TOPAZ1: variants seen among roughly 807,000 people sequenced by gnomAD.
The protein encoded by TOPAZ1 is testis and ovary specific TOPAZ 1, also known as protein TOPAZ1.
In TOPAZ1, 66 loss-of-function variants were observed where a neutral mutation model predicts 172.2. The ratio of observed to expected loss-of-function variants is 0.38; its 90% CI spans 0.31 to 0.47. The LOEUF is 0.47. TOPAZ1 is among the 20% of genes least tolerant of loss of function. The pLI is 0.99. For synonymous variants in TOPAZ1, 681 were observed against 683.9 expected, an observed-to-expected ratio of 1.00 and a Z score of 0.07; for missense variants, 1,822 against 1,972.4, an observed-to-expected ratio of 0.92 and a Z score of 1.44.
At chr3:44,314,637 A>G (rs901141505) in intron 16 of TOPAZ1, among the ~76,000 whole-genome samples, 1 of 152,036 alleles carries the variant, frequency 6.6e-6, no homozygotes, top group Non-Finnish European at 1.5e-5. Context: ...CACAAACTAC[A>G]CAAACAGATC....
rs145911855 is a variant in TOPAZ1 at position 44,268,702 on chromosome 3, A to G, written c.3161-514A>G. ...CAGACTGGTGCCTATTCATATAAGG[A>G]CATTAATTCCATTGATTCAGGACCC... On this transcript the variant is annotated intron_variant, in intron 6 of 19. Transcript: ENST00000309765. Among the ~76,000 whole-genome samples the G allele has an allele frequency of 1.4e-3, 209 of 152,114 alleles. 2 individuals are homozygous for G. Among genetic ancestry groups the G allele is most frequent in the African/African-American group, 4.9e-3 (203 of 41,506 alleles).
chr3:44,283,952 A>G (rs986928396), intron 9 of TOPAZ1, among the ~76,000 whole-genome samples: 4 of 152,124 alleles, frequency 2.6e-5, no homozygotes, highest in Non-Finnish European at 4.4e-5. Context: ...TTTATATTCA[A>G]ATTTTGTCAC....
chr3:44,298,888 A>ATTTTTTT (rs1319574044), intron 12 of TOPAZ1, among the ~76,000 whole-genome samples: 4 of 33,230 alleles, frequency 1.2e-4, no homozygotes, highest in African/African-American at 5.0e-4. Context: ...TTATGTATAT[A>ATTTTTTT]TATTATATAT....
rs994772509 is a variant in TOPAZ1, at chr3:44,329,744, C to T, written c.4859+1311C>T. 3.4e-4 allele frequency among the ~76,000 whole-genome samples: 52 copies of T among 152,236 alleles called. 1 individual carries two copies. Among genetic ancestry groups the T allele is most frequent in the African/African-American group, 1.3e-3 (52 of 41,526 alleles). ...TCCCATAGATGGGCCTACATGGATA[C>T]CTACATATGCCATGAGTTCTGTAAC... On this transcript the variant is annotated intron_variant, in intron 19 of 19. Coordinates refer to ENST00000309765, the MANE Select transcript of TOPAZ1 (RefSeq NM_001145030.2).
In TOPAZ1 at chr3:44,270,797, A is replaced by T. The variant is rs770848094; in HGVS notation, c.3359A>T (p.Gln1120Leu). The T allele has an allele frequency of 7.8e-6, 12 of 1,546,426 alleles. No homozygotes were observed. The South Asian group carries it at 1.5e-4, about 19-fold the overall frequency. The change falls in exon 8 of 20, where the codon CAA (glutamine) becomes CTA (leucine). Residue 1120 changes from glutamine to leucine, a missense_variant. Coordinates refer to ENST00000309765, the MANE Select transcript of TOPAZ1 (RefSeq NM_001145030.2). Reference sequence around the variant, plus strand: ...TGCAAGTTTGCTCATGTGCCTGAACAAGGGGATGAAAAGGTAAAACATATA... The same window carrying T: ...TGCAAGTTTGCTCATGTGCCTGAACTAGGGGATGAAAAGGTAAAACATATA... Reference protein sequence around the residue: ...PLCKFAHVPEQGDEKVCMDVF... With the variant: ...PLCKFAHVPELGDEKVCMDVF...
In TOPAZ1 at chr3:44,242,387, A is replaced by G. The variant is rs1699495208; in HGVS notation, c.334A>G (p.Thr112Ala). 1 of 1,552,346 alleles carries G rather than the reference A, an allele frequency of 6.4e-7. No homozygotes were observed. Among genetic ancestry groups the G allele is most frequent in the Non-Finnish European group, 8.7e-7 (1 of 1,147,140 alleles). Residue 112 changes from threonine (T) to alanine (A), a missense_variant, in exon 1 of 20, where the codon ACG (threonine) becomes GCG (alanine). Transcript: ENST00000309765. The stretch of plus-strand genomic sequence containing the variant: ...AAAGGAGGCTGAACTCCCCTTGCAA[A>G]CGGAAAGACACAGTAAGAAAGCATC... ...AAKEAELPLQ[T>A]ERHTKEKRKV...
chr3:44,322,857 G>T (rs1363720003), intron 17 of TOPAZ1, among the ~76,000 whole-genome samples: 1 of 152,226 alleles, frequency 6.6e-6, no homozygotes, highest in African/African-American at 2.4e-5. Flanking sequence ...GGTGAAGGTT[G>T]CAGTGAGCCA....
At chr3:44,327,380 TCTAGAAG>T (rs1700611676) in intron 18 of TOPAZ1, among the ~76,000 whole-genome samples, 1 of 114,992 alleles carries the variant, frequency 8.7e-6, no homozygotes, top group African/African-American at 4.1e-5. Flanking sequence ...GTTTGGATGT[TCTAGAAG>T]TTTTATAGGT....
At chr3:44,322,781 G>C (rs1241149553) in intron 17 of TOPAZ1, among the ~76,000 whole-genome samples, 1 of 152,110 alleles carries the variant, frequency 6.6e-6, no homozygotes, top group African/African-American at 2.4e-5. Context: ...AAATTAGCCA[G>C]GCCTGGTGGA....
chr3:44,335,131 A>G (rs1700708813), downstream of TOPAZ1, among the ~76,000 whole-genome samples: 1 of 152,142 alleles, frequency 6.6e-6, no homozygotes, highest in South Asian at 2.1e-4. Context: ...CCCAGGGTAC[A>G]ATCATCATAA....
intron 12 of TOPAZ1, among the ~76,000 whole-genome samples, chr3:44,300,247 A>T (rs1700255434): frequency 6.6e-6 from 1 of 152,108 alleles, no homozygotes; most frequent in Non-Finnish European, 1.5e-5. Context: ...AGCCTGGCCA[A>T]CATGGTAAAA....
At chr3:44,282,826 T>C (rs186938375) in intron 9 of TOPAZ1, among the ~76,000 whole-genome samples, 1 of 152,246 alleles carries the variant, frequency 6.6e-6, no homozygotes, top group East Asian at 1.9e-4. Context: ...GCTGGTAATA[T>C]CATTCTCCCC....
chr3:44,315,641 G>T (rs1412468864), intron 16 of TOPAZ1, among the ~76,000 whole-genome samples: 1 of 151,608 alleles, frequency 6.6e-6, no homozygotes, highest in East Asian at 2.0e-4. Context: ...CAAAGTGCTG[G>T]GATTACAGGC....
chr3:44,288,388 C>G (rs1700101664), intron 11 of TOPAZ1, among the ~76,000 whole-genome samples: 1 of 152,004 alleles, frequency 6.6e-6, no homozygotes, highest in Admixed American at 6.6e-5. Flanking sequence ...TGTTTGGAAT[C>G]AAAAGTTACT....
chr3:44,315,001 A>G (rs1700435781), intron 16 of TOPAZ1, among the ~76,000 whole-genome samples: 1 of 152,216 alleles, frequency 6.6e-6, no homozygotes, highest in Non-Finnish European at 1.5e-5. Context: ...AACCACTGCT[A>G]TAAATACTAC....
chr3:44,273,462 G>A (rs988974133), intron 8 of TOPAZ1, among the ~76,000 whole-genome samples: 4 of 151,946 alleles, frequency 2.6e-5, no homozygotes, highest in African/African-American at 9.7e-5. Context: ...TCTCTACTCC[G>A]CATTCAGAAT....
At chr3:44,267,165 G>T in intron 6 of TOPAZ1, 29 bp downstream of exon 6, 1 of 1,455,104 alleles carries the variant, frequency 6.9e-7, no homozygotes, top group East Asian at 2.6e-5. Flanking sequence ...ATGAAATCCT[G>T]TTGGCTTTTG....
chr3:44,257,352 G>GGGGGGGT (rs1264696203), intron 4 of TOPAZ1, among the ~76,000 whole-genome samples: 2 of 110,384 alleles, frequency 1.8e-5, no homozygotes, highest in African/African-American at 7.7e-5. Context: ...AAAACATAGG[G>GGGGGGGT]GTGTGTGTGT....
chr3:44,336,582 G>T (rs377200069), downstream of TOPAZ1, among the ~76,000 whole-genome samples: 2 of 152,174 alleles, frequency 1.3e-5, no homozygotes, highest in African/African-American at 2.4e-5. Flanking sequence ...CATAATCCAG[G>T]AATAGAATTA....
Sources: gnomAD v4.1 joint callset for allele counts (sites outside exome capture counted in the v4.1 genomes callset) on GRCh38, gnomAD v4.1.1 for gene constraint, MANE v1.5 for transcripts, NCBI Gene and HGNC (gene_info 2026-07-23, HGNC 2026-07-21) for gene names.